FGD4: variants seen among roughly 807,000 people sequenced by gnomAD.
FGD4 encodes FYVE, RhoGEF and PH domain-containing protein 4.
In FGD4, 42 loss-of-function variants were observed where a neutral mutation model predicts 102.0. The observed-to-expected ratio is 0.41, with a 90% CI of 0.32 to 0.53. The LOEUF is 0.53. Among genes scored for constraint, FGD4 ranks in the 20% least tolerant of loss-of-function variants. The pLI is 0.21. For missense variants in FGD4, 902 were observed against 1,078.2 expected (o/e 0.84, Z 2.29); for synonymous variants, 380 against 375.7 (o/e 1.01, Z -0.13).
intron 1 of FGD4, among the ~76,000 whole-genome samples, chr12:32,524,242 A>G (rs1940878335): frequency 6.7e-6 from 1 of 150,026 alleles, no homozygotes; most frequent in Non-Finnish European, 1.5e-5. Context: ...TAAAAATACA[A>G]AAAATTAGTC....
intron 1 of FGD4, among the ~76,000 whole-genome samples, chr12:32,556,296 A>G (rs546441224): frequency 6.6e-6 from 1 of 152,256 alleles, no homozygotes; most frequent in East Asian, 1.9e-4. Context: ...AAAATTTGCC[A>G]TCATAGCCAT....
chr12:32,432,877 C>T (rs1942101999), intron 1 of FGD4, among the ~76,000 whole-genome samples: 1 of 152,072 alleles, frequency 6.6e-6, no homozygotes. Flanking sequence ...TGCTAATTTT[C>T]AAAATACATA....
intron 4 of FGD4, among the ~76,000 whole-genome samples, chr12:32,588,238 G>C (rs567025212): frequency 6.6e-6 from 1 of 152,276 alleles, no homozygotes; most frequent in East Asian, 1.9e-4. Context: ...TATATAACTT[G>C]GTGAACTTGA....
At chr12:32,603,812 C>G (rs1948595930) in intron 7 of FGD4, among the ~76,000 whole-genome samples, 1 of 151,690 alleles carries the variant, frequency 6.6e-6, no homozygotes, top group Admixed American at 6.6e-5. Context: ...GAGCAATCCT[C>G]CCACCGCAGC....
chr12:32,438,829 C>T (rs1021571788), intron 1 of FGD4, among the ~76,000 whole-genome samples: 6 of 151,788 alleles, frequency 4.0e-5, no homozygotes, highest in African/African-American at 2.4e-5. Context: ...AGGATGGTCT[C>T]GATCTCCTGA....
At chr12:32,462,618 C>A (rs1370613829) in intron 1 of FGD4, among the ~76,000 whole-genome samples, 4 of 152,002 alleles carry the variant, frequency 2.6e-5, no homozygotes, top group African/African-American at 9.7e-5. Context: ...TTTGTAAAAC[C>A]TCATGCCTTA....
chr12:32,639,000 A>G, intron 16 of FGD4: 1 of 1,373,874 alleles, frequency 7.3e-7, no homozygotes, highest in Admixed American at 3.1e-5. Flanking sequence ...TTTGTGGATC[A>G]TCTGTCCCCT....
chr12:32,423,105 T>A (rs1941702571), intron 1 of FGD4, among the ~76,000 whole-genome samples: 2 of 152,176 alleles, frequency 1.3e-5, no homozygotes, highest in Non-Finnish European at 2.9e-5. Context: ...TCTTTAGCAA[T>A]GGAAAAATCA....
At chr12:32,526,237 C>T (rs1338874397) in intron 1 of FGD4, among the ~76,000 whole-genome samples, 3 of 152,160 alleles carry the variant, frequency 2.0e-5, no homozygotes, top group Non-Finnish European at 4.4e-5. Flanking sequence ...GCGCACCAGT[C>T]GACACTCTGT....
At chr12:32,631,847 C>G (rs952847414) in intron 14 of FGD4, among the ~76,000 whole-genome samples, 1 of 152,038 alleles carries the variant, frequency 6.6e-6, no homozygotes, top group Non-Finnish European at 1.5e-5. Context: ...AAATCTGTCA[C>G]TGAGTTTGAT....
chr12:32,644,779 G>T lies in FGD4; in HGVS notation c.*4246G>T, dbSNP rs572881323. On this transcript the variant is annotated 3_prime_UTR_variant, in exon 17 of 17. Transcript: ENST00000534526. The stretch of plus-strand genomic sequence containing the variant: ...TGGGATCCATTGCACCCAGGTTTTT[G>T]ACCTTGGCCTGTAAATGCTAGACTA... The T allele has an allele frequency of 1.3e-5, 2 of 152,066 alleles. No homozygotes were observed. Among genetic ancestry groups the T allele is most frequent in the East Asian group, 3.9e-4 (2 of 5,160 alleles). The allele number at this position is 152,066 out of a possible 1,614,324, so 9.4% of individuals were successfully genotyped here. A position where few individuals can be genotyped will look rare whatever the true frequency, so the allele number is the denominator to read the frequency against.
rs114191050 is a variant in FGD4, at chr12:32,458,594, C to T, written c.166+58635C>T. Among the ~76,000 whole-genome samples, 1,011 of 152,232 alleles carry T rather than the reference C, an allele frequency of 6.6e-3. 12 individuals are homozygous for T. The highest frequency in any genetic ancestry group is 0.023 in the African/African-American group (962 of 41,530). On this transcript the variant is annotated intron_variant, in intron 1 of 16. Coordinates refer to ENST00000534526, the MANE Select transcript of FGD4 (RefSeq NM_001370298.3). ...AATATTTTATTTTATCCCACTGAAACGTGTTATGCAAAGATCATCGTTTGT... is the reference window on the plus strand; with the variant it reads ...AATATTTTATTTTATCCCACTGAAATGTGTTATGCAAAGATCATCGTTTGT...
chr12:32,588,749 A>G (rs1325691170), intron 4 of FGD4, among the ~76,000 whole-genome samples: 1 of 152,240 alleles, frequency 6.6e-6, no homozygotes, highest in East Asian at 1.9e-4. Flanking sequence ...GGAATTAGCC[A>G]GGATCAGCAA....
chr12:32,592,717 C>G (rs1947582814), intron 4 of FGD4, among the ~76,000 whole-genome samples: 1 of 152,056 alleles, frequency 6.6e-6, no homozygotes, highest in Non-Finnish European at 1.5e-5. Flanking sequence ...TCTATTTCTC[C>G]TTAAATATCC....
chr12:32,405,261 G>GTT (rs11396808), intron 1 of FGD4, among the ~76,000 whole-genome samples: 39,747 of 108,430 alleles, frequency 0.37, 7,584 homozygotes, highest in East Asian at 0.53. Flanking sequence ...GCAGTCAGTG[G>GTT]TTTTTTTTTT....
In FGD4 at chr12:32,598,529, C is replaced by A. The variant is rs1338567242; in HGVS notation, c.1044C>A (p.Ala348=). 2 of 1,613,450 alleles carry A rather than the reference C, an allele frequency of 1.2e-6. No individual in the cohort carries two copies. The highest frequency in any genetic ancestry group is 1.7e-6 in the Non-Finnish European group (2 of 1,179,770). The change falls in exon 5 of 17, where the codon GCC becomes GCA. Residue 348 remains alanine, a synonymous_variant. Transcript: ENST00000534526. ...ATGAGCAAAAACTTCACAAAATAGC[C>A]AATGAACTTTTGCTTACTGAAAGAG... ...ETNEQKLHKI[A]NELLLTERAY...
At chr12:32,454,144 A>G (rs1038013903) in intron 1 of FGD4, among the ~76,000 whole-genome samples, 2 of 152,212 alleles carry the variant, frequency 1.3e-5, no homozygotes, top group African/African-American at 2.4e-5. Flanking sequence ...AGAAATAGGC[A>G]CACTGATAAC....
chr12:32,503,304 A>C (rs1438491173), intron 1 of FGD4, among the ~76,000 whole-genome samples: 1 of 152,228 alleles, frequency 6.6e-6, no homozygotes, highest in Non-Finnish European at 1.5e-5. Flanking sequence ...GGTTGCAAGG[A>C]AAGCCTTGGC....
At chr12:32,458,614 G>A (rs565262225) in intron 1 of FGD4, among the ~76,000 whole-genome samples, 99 of 152,222 alleles carry the variant, frequency 6.5e-4, no homozygotes, top group Non-Finnish European at 1.1e-3. Flanking sequence ...AAAGATCATC[G>A]TTTGTTAATT....
Sources: allele counts gnomAD v4.1 joint callset (sites outside exome capture counted in the v4.1 genomes callset), GRCh38; gene constraint gnomAD v4.1.1; transcripts MANE v1.5; gene names NCBI Gene and HGNC (gene_info 2026-07-23, HGNC 2026-07-21).